The following CR1 variants were observed in gnomAD, a reference collection of about 807,000 sequenced individuals.
CR1 encodes the protein complement C3b/C4b receptor 1 (Knops blood group).
CR1 carries 116 observed loss-of-function variants against 187.3 expected under a neutral mutation model. The ratio of observed to expected loss-of-function variants is 0.62; its 90% CI spans 0.53 to 0.72. The LOEUF (loss-of-function observed/expected upper bound fraction) is 0.72, where lower values mean the gene tolerates loss of function less well. Among genes scored for constraint, CR1 ranks in the 30% least tolerant of loss-of-function variants. The pLI is 0.00. For missense variants in CR1, 1,731 were observed against 2,110.7 expected, an observed-to-expected ratio of 0.82 and a Z score of 3.52; for synonymous variants, 576 against 747.1, an observed-to-expected ratio of 0.77 and a Z score of 3.73.
intron 24 of CR1, among the ~76,000 whole-genome samples, chr1:207,566,804 T>A (rs1474098492): frequency 6.6e-6 from 1 of 150,476 alleles, no homozygotes; most frequent in Non-Finnish European, 1.5e-5. Context: ...GCTTCAATTC[T>A]TGATTCTAAT....
In CR1 at chr1:207,580,698, A is replaced by T. The variant is rs943554041; in HGVS notation, c.5216+85A>T. The stretch of plus-strand genomic sequence containing the variant: ...AAGGATCAATCCAAAAAGAGGGCTG[A>T]CCTAGGAGAAGAAGAATCCAGGGAG... On this transcript the variant is annotated intron_variant, in intron 31 of 46. Transcript: ENST00000367049. 4.9e-6 allele frequency: 6 copies of T among 1,234,522 alleles called. No individual in the cohort carries two copies. The East Asian group carries it at 9.3e-5, about 19-fold the overall frequency. 76.5% of individuals were successfully genotyped at this position (1,234,522 alleles called of 1,614,324 possible). A position where few individuals can be genotyped will look rare whatever the true frequency, so the allele number is the denominator to read the frequency against.
In CR1 at chr1:207,506,763, G is replaced by A. The variant is rs1403215851; in HGVS notation, c.351G>A (p.Val117=). 6.2e-7 allele frequency: 1 copy of A among 1,613,666 alleles called. No homozygotes were observed. Residue 117 remains valine, a synonymous_variant, in exon 3 of 47, where the codon GTG becomes GTA. Transcript: ENST00000367049. ...PPDPVNGMVH[V]IKGIQFGSQI... Reference sequence around the variant, plus strand: ...ATCCTGTGAATGGCATGGTGCATGTGATCAAAGGCATCCAGTTCGGATCCC... The same window carrying A: ...ATCCTGTGAATGGCATGGTGCATGTAATCAAAGGCATCCAGTTCGGATCCC...
At chr1:207,605,072 A>T (rs1367731528) in intron 35 of CR1, among the ~76,000 whole-genome samples, 1 of 152,070 alleles carries the variant, frequency 6.6e-6, no homozygotes, top group African/African-American at 2.4e-5. Flanking sequence ...TAGGCTGGGC[A>T]AAATGGCAAA....
At chr1:207,619,777 A>G in intron 42 of CR1, 103 bp from the exon 43 acceptor site, 4 of 955,502 alleles carry the variant, frequency 4.2e-6, no homozygotes, top group Non-Finnish European at 6.3e-6. Flanking sequence ...GCTTCCTCTT[A>G]GCCAAGGGCA....
intron 27 of CR1, among the ~76,000 whole-genome samples, chr1:207,575,020 C>T (rs1413984497): frequency 6.6e-6 from 1 of 152,074 alleles, no homozygotes; most frequent in East Asian, 1.9e-4. Flanking sequence ...CATCATTGGG[C>T]ATCATGAAAT....
intron 35 of CR1, among the ~76,000 whole-genome samples, chr1:207,603,282 C>T (rs1661657372): frequency 1.3e-5 from 2 of 152,096 alleles, no homozygotes; most frequent in East Asian, 1.9e-4. Context: ...TTAGATTTCA[C>T]ATGTAAGAAA....
chr1:207,605,165 T>A (rs1571585427), intron 35 of CR1, among the ~76,000 whole-genome samples: 1 of 146,384 alleles, frequency 6.8e-6, no homozygotes, highest in African/African-American at 2.5e-5. Flanking sequence ...GAGGCTAAGG[T>A]GGGAGAATGG....
At chr1:207,583,670 C>A (rs982769969) in intron 32 of CR1, among the ~76,000 whole-genome samples, 5 of 152,152 alleles carry the variant, frequency 3.3e-5, no homozygotes, top group Admixed American at 3.3e-4. Flanking sequence ...TGCCTTAAAT[C>A]ATTTCAATGT....
At chr1:207,604,304 G>A (rs1282869872) in intron 35 of CR1, among the ~76,000 whole-genome samples, 1 of 151,718 alleles carries the variant, frequency 6.6e-6, no homozygotes, top group Non-Finnish European at 1.5e-5. Context: ...TCTGTGGTTT[G>A]TCTTCAAATT....
chr1:207,505,850 A>G, intron 1 of CR1, 54 bp from the exon 2 acceptor site: 1 of 1,559,032 alleles, frequency 6.4e-7, no homozygotes, highest in South Asian at 1.2e-5. Context: ...AAGAAAAAAA[A>G]AAGTATGGTA....
chr1:207,587,556 A>C lies in CR1; in HGVS notation c.5701A>C (p.Asn1901His). 6.2e-7 allele frequency: 1 copy of C among 1,613,636 alleles called. No individual in the cohort carries two copies. The highest frequency in any genetic ancestry group is 8.5e-7 in the Non-Finnish European group (1 of 1,179,640). Residue 1901 changes from asparagine (N) to histidine (H), a missense_variant, in exon 34 of 47, where the codon AAC (asparagine) becomes CAC (histidine). Physicochemically the swap from Asn to His is moderately conservative, Grantham distance 68. Transcript: ENST00000367049. ...ENLVWSSVED[N>H]CRRKSCGPPP... Reference sequence around the variant, plus strand: ...CTTGGTCTGGTCAAGTGTTGAAGACAACTGTAGACGTGAGTAACCCCTCCC... The same window carrying C: ...CTTGGTCTGGTCAAGTGTTGAAGACCACTGTAGACGTGAGTAACCCCTCCC...
intron 35 of CR1, among the ~76,000 whole-genome samples, chr1:207,599,658 C>G (rs1032194193): frequency 1.3e-5 from 2 of 152,158 alleles, no homozygotes; most frequent in Non-Finnish European, 2.9e-5. Context: ...TTAATTAGAT[C>G]TCTGTTTAGT....
rs1251445694 is a variant in CR1, at chr1:207,610,085, G to A, written c.6295+397G>A. On this transcript the variant is annotated intron_variant, in intron 37 of 46. Transcript: ENST00000367049. ...TGATGATCGTATCTCTATCCCTGGA[G>A]TGGGGCAGTAGGCAAGTGAGCCATG... 2.0e-5 allele frequency among the ~76,000 whole-genome samples: 3 copies of A among 152,130 alleles called. No homozygotes were observed. In the East Asian group the frequency reaches 5.8e-4, roughly 29 times the overall value.
At chr1:207,631,183 C>T (rs557648898) in intron 46 of CR1, among the ~76,000 whole-genome samples, 1 of 152,268 alleles carries the variant, frequency 6.6e-6, no homozygotes, top group Admixed American at 6.5e-5. Flanking sequence ...TTGTGCAGTA[C>T]ACATTGCTAA....
At chr1:207,637,952 C>G (rs1160934229) in intron 46 of CR1, among the ~76,000 whole-genome samples, 1 of 152,198 alleles carries the variant, frequency 6.6e-6, no homozygotes, top group Non-Finnish European at 1.5e-5. Context: ...TTTTTATTAT[C>G]TTTCCACCAA....
At chr1:207,512,010 G>A (rs1558218253) in intron 4 of CR1, among the ~76,000 whole-genome samples, 1 of 152,084 alleles carries the variant, frequency 6.6e-6, no homozygotes, top group Non-Finnish European at 1.5e-5. Flanking sequence ...GGTTAGCGAA[G>A]CTGTGGAAGA....
intron 1 of CR1, among the ~76,000 whole-genome samples, chr1:207,503,570 G>A (rs896540389): frequency 6.6e-6 from 1 of 152,080 alleles, no homozygotes; most frequent in East Asian, 1.9e-4. Context: ...GCACCATAGT[G>A]TCTCTGAATA....
chr1:207,522,530 C>G (rs116578240), intron 4 of CR1, among the ~76,000 whole-genome samples: 3,234 of 152,262 alleles, frequency 0.021, 61 homozygotes, highest in Non-Finnish European at 0.028. Context: ...CAATAAGCAG[C>G]CCAGTTGCCA....
intron 1 of CR1, among the ~76,000 whole-genome samples, chr1:207,500,583 A>G (rs1248976622): frequency 1.3e-5 from 2 of 152,252 alleles, no homozygotes; most frequent in Non-Finnish European, 2.9e-5. Flanking sequence ...AGATAACAAT[A>G]CATACCCACT....
Sources: allele counts gnomAD v4.1 joint callset (sites outside exome capture counted in the v4.1 genomes callset), GRCh38; gene constraint gnomAD v4.1.1; transcripts MANE v1.5; gene names NCBI Gene and HGNC (gene_info 2026-07-23, HGNC 2026-07-21).